The following JAKMIP1 variants were observed in gnomAD, a reference collection of about 807,000 sequenced individuals.
JAKMIP1 encodes janus kinase and microtubule-interacting protein 1.
In JAKMIP1, 33 loss-of-function variants were observed where a neutral mutation model predicts 113.0. The observed-to-expected ratio is 0.29, with a 90% CI of 0.22 to 0.39. The LOEUF is 0.39. JAKMIP1 is among the 10% of genes least tolerant of loss of function. The probability of loss-of-function intolerance (pLI) is 1.00; values close to 1 mark genes in which losing one functional copy is unlikely to be tolerated. For missense variants in JAKMIP1, 813 were observed against 1,080.5 expected (o/e 0.75, Z 3.47); for synonymous variants, 480 against 459.9 (o/e 1.04, Z -0.56).
rs139130657 is a variant in JAKMIP1 at position 6,093,674 on chromosome 4, T to A, written c.625-8045A>T. Among the ~76,000 whole-genome samples the A allele has an allele frequency of 8.5e-5, 13 of 152,242 alleles. No individual in the cohort carries two copies. The highest frequency in any genetic ancestry group is 3.1e-4 in the African/African-American group (13 of 41,536). ...GGTCCTGAACCAGACACCTCCTGTATTACAATGAATGATGTCCACCTGTAC... is the reference window on the plus strand; with the variant it reads ...GGTCCTGAACCAGACACCTCCTGTAATACAATGAATGATGTCCACCTGTAC... On this transcript the variant is annotated intron_variant, in intron 3 of 20. Coordinates refer to ENST00000409021, the MANE Select transcript of JAKMIP1 (RefSeq NM_001099433.2). The surrounding 1 kb of genome is among the most constrained non-coding windows in gnomAD (Gnocchi z 4.6).
chr4:6,082,273 TC>T (rs1030974568), intron 5 of JAKMIP1, among the ~76,000 whole-genome samples: 21 of 152,074 alleles, frequency 1.4e-4, no homozygotes, highest in African/African-American at 4.8e-4. Flanking sequence ...CTGCGTTTAC[TC>T]CCCAGGCTGT....
In JAKMIP1 at chr4:6,048,793, G is replaced by A. The variant is rs1715305540; in HGVS notation, c.2028+64C>T. 4.3e-6 allele frequency: 6 copies of A among 1,407,732 alleles called. No homozygotes were observed. The South Asian group carries it at 7.0e-5, about 16-fold the overall frequency. The allele number at this position is 1,407,732 out of a possible 1,614,324, so 87.2% of individuals were successfully genotyped here. On this transcript the variant is annotated intron_variant, in intron 16 of 20. Transcript: ENST00000409021. Reference sequence around the variant, plus strand: ...ACGCAAAGCAAGACGCCAATGTACAGTTTCTTGTATGGTGCTGGGAAGCTG... The same window carrying A: ...ACGCAAAGCAAGACGCCAATGTACAATTTCTTGTATGGTGCTGGGAAGCTG...
chr4:6,082,456 T>A (rs975753569), intron 5 of JAKMIP1, among the ~76,000 whole-genome samples: 3 of 151,948 alleles, frequency 2.0e-5, no homozygotes, highest in South Asian at 4.2e-4. Context: ...AAGACCCATA[T>A]GTATCTTCTT....
At position 6,108,842 on chromosome 4, in the gene JAKMIP1, G is replaced by T. The variant is rs942732368; in HGVS notation, c.130-2875C>A. On this transcript the variant is annotated intron_variant, in intron 2 of 20. Transcript: ENST00000409021. The surrounding 1 kb of genome is among the most constrained non-coding windows in gnomAD (Gnocchi z 5.6). The stretch of plus-strand genomic sequence containing the variant: ...CCATGCGGCAGTGGATGCGTCTTGG[G>T]ACATCTGTAAGAACTCATGTTTGAC... Among the ~76,000 whole-genome samples the T allele has an allele frequency of 6.6e-6, 1 of 152,218 alleles. No homozygotes were observed. Among genetic ancestry groups the T allele is most frequent in the African/African-American group, 2.4e-5 (1 of 41,462 alleles).
At chr4:6,100,268 A>C (rs1012349164) in intron 3 of JAKMIP1, among the ~76,000 whole-genome samples, 3 of 152,184 alleles carry the variant, frequency 2.0e-5, no homozygotes, top group Non-Finnish European at 4.4e-5. Flanking sequence ...CCCGTCAGCC[A>C]CTATAGATTT....
chr4:6,035,298 C>G (rs1226996175), intron 19 of JAKMIP1, among the ~76,000 whole-genome samples: 1 of 152,074 alleles, frequency 6.6e-6, no homozygotes, highest in Non-Finnish European at 1.5e-5. Context: ...TAGTGCCTAC[C>G]CATAGGGTCC....
At position 6,200,004 on chromosome 4, in the gene JAKMIP1, A is replaced by C. The variant is rs1728274833; in HGVS notation, c.-148+249T>G. Among the ~76,000 whole-genome samples, 1 of 116,896 alleles carries C rather than the reference A, an allele frequency of 8.6e-6. No individual in the cohort carries two copies. The highest frequency in any genetic ancestry group is 3.3e-5 in the African/African-American group (1 of 30,474). The allele number at this position is 116,896 out of a possible 152,430, so 76.7% of individuals were successfully genotyped here. On this transcript the variant is annotated intron_variant, in intron 1 of 20. Transcript: ENST00000409021. This position sits in a 1 kb window ranked among gnomAD's most constrained non-coding sequence, Gnocchi z 7.0. ...GGGGAAGCGACGCAGCGGCTGGGAG[A>C]TTTTGCAAGGGGGTCTGAAGAGGAG...
rs912036333 is a variant in JAKMIP1, at chr4:6,094,412, A to C, written c.625-8783T>G. Among the ~76,000 whole-genome samples, 2 of 152,190 alleles carry C rather than the reference A, an allele frequency of 1.3e-5. No individual in the cohort carries two copies. Among genetic ancestry groups the C allele is most frequent in the African/African-American group, 4.8e-5 (2 of 41,460 alleles). Reference sequence around the variant, plus strand: ...GGGCCACTCCTACCCAACTGACAGGAGGAATCGTGCTAAGAAAACAGCCTG... The same window carrying C: ...GGGCCACTCCTACCCAACTGACAGGCGGAATCGTGCTAAGAAAACAGCCTG... On this transcript the variant is annotated intron_variant, in intron 3 of 20. Transcript: ENST00000409021. The surrounding 1 kb of genome is among the most constrained non-coding windows in gnomAD (Gnocchi z 4.2).
chr4:6,036,179 C>A, intron 18 of JAKMIP1, 72 bp from the exon 19 acceptor site: 1 of 1,220,976 alleles, frequency 8.2e-7, no homozygotes, highest in Non-Finnish European at 1.1e-6. Context: ...AAGGCTGCTG[C>A]CAGTGGAGGC....
intron 1 of JAKMIP1, among the ~76,000 whole-genome samples, chr4:6,122,317 C>T (rs1005993549): frequency 6.6e-6 from 1 of 151,964 alleles, no homozygotes; most frequent in Non-Finnish European, 1.5e-5. Flanking sequence ...CAGAGTGAGA[C>T]CCTGTCTCAA....
Position 6,101,275 on chromosome 4 carries a change from G to C in JAKMIP1, c.624+4198C>G, listed in dbSNP as rs111804768. On this transcript the variant is annotated intron_variant, in intron 3 of 20. Coordinates refer to ENST00000409021, the MANE Select transcript of JAKMIP1 (RefSeq NM_001099433.2). ...TATACAGAGAGTGTGTGTGGTGTGT[G>C]TGTGTGTGTATTTCCTGTTTTTTTT... 7.1e-3 allele frequency among the ~76,000 whole-genome samples: 1,084 copies of C among 152,196 alleles called. 13 individuals carry two copies. The highest frequency in any genetic ancestry group is 0.025 in the African/African-American group (1,022 of 41,520).
At chr4:6,085,299 T>C (rs1209637429) in intron 4 of JAKMIP1, 121 bp downstream of exon 4, 2 of 853,940 alleles carry the variant, frequency 2.3e-6, no homozygotes, top group Admixed American at 5.1e-5. Context: ...CCTCCAATAC[T>C]GAGTGAATGA....
chr4:6,033,289 T>C (rs994045341), intron 19 of JAKMIP1, among the ~76,000 whole-genome samples: 1 of 152,112 alleles, frequency 6.6e-6, no homozygotes, highest in Non-Finnish European at 1.5e-5. Flanking sequence ...GGTCTGTCCA[T>C]GGTTGAAGCG....
chr4:6,144,416 A>C (rs894833621), intron 1 of JAKMIP1, among the ~76,000 whole-genome samples: 3 of 152,240 alleles, frequency 2.0e-5, no homozygotes, highest in African/African-American at 7.2e-5. Context: ...CTGAAACCAG[A>C]CAAAGATATC....
chr4:6,040,860 C>T lies in JAKMIP1; in HGVS notation c.2098-144G>A. On this transcript the variant is annotated intron_variant, in intron 17 of 20. Transcript: ENST00000409021. The surrounding 1 kb of genome is among the most constrained non-coding windows in gnomAD (Gnocchi z 5.8). ...GGACTTGGTGGTCTTCCCCGTTTGC[C>T]CCCACATGAATCACCCAGCAGGAGC... 1.5e-6 allele frequency: 1 copy of T among 680,598 alleles called. No homozygotes were observed. Among genetic ancestry groups the T allele is most frequent in the Non-Finnish European group, 2.6e-6 (1 of 381,772 alleles). The allele number at this position is 680,598 out of a possible 1,614,324, so 42.2% of individuals were successfully genotyped here.
rs1727352670 is a variant in JAKMIP1, at chr4:6,192,208, C to T, written c.-148+8045G>A. Among the ~76,000 whole-genome samples, 1 of 152,110 alleles carries T rather than the reference C, an allele frequency of 6.6e-6. No individual in the cohort carries two copies. The highest frequency in any genetic ancestry group is 1.5e-5 in the Non-Finnish European group (1 of 68,016). ...TCAGCCTCCCAAAGTGCTGGGATTA[C>T]AGGCGTGAGCCACCGCGCCTGGCCA... On this transcript the variant is annotated intron_variant, in intron 1 of 20. Coordinates refer to ENST00000409021, the MANE Select transcript of JAKMIP1 (RefSeq NM_001099433.2). The surrounding 1 kb of genome is among the most constrained non-coding windows in gnomAD (Gnocchi z 5.0).
Position 6,148,421 on chromosome 4 carries a change from C to T in JAKMIP1, c.-147-35424G>A, listed in dbSNP as rs925917567. Among the ~76,000 whole-genome samples the T allele has an allele frequency of 3.3e-5, 5 of 152,246 alleles. 1 individual carries two copies. Among genetic ancestry groups the T allele is most frequent in the Admixed American group, 3.3e-4 (5 of 15,288 alleles). ...GACTTCAAGCCTCAGCCTCAGGGCT[C>T]CAGGAAACACATATACTCATTACTG... On this transcript the variant is annotated intron_variant, in intron 1 of 20. Transcript: ENST00000409021.
chr4:6,125,999 TACAG>T (rs774573803), intron 1 of JAKMIP1, among the ~76,000 whole-genome samples: 26 of 95,314 alleles, frequency 2.7e-4, no homozygotes, highest in Non-Finnish European at 4.7e-4. Context: ...ACACACACCA[TACAG>T]AAACACACAC....
chr4:6,163,915 G>A (rs1723260516), intron 1 of JAKMIP1, among the ~76,000 whole-genome samples: 1 of 152,230 alleles, frequency 6.6e-6, no homozygotes, highest in Non-Finnish European at 1.5e-5. Flanking sequence ...TGGAGAAGCT[G>A]CAGAATAAAA....
Sources: allele counts gnomAD v4.1 joint callset (sites outside exome capture counted in the v4.1 genomes callset), GRCh38; gene constraint gnomAD v4.1.1; non-coding constraint Gnocchi (gnomAD v3.1); transcripts MANE v1.5; gene names NCBI Gene and HGNC (gene_info 2026-07-23, HGNC 2026-07-21).